UHRF2: variants seen among roughly 807,000 people sequenced by gnomAD.
The protein encoded by UHRF2 is E3 ubiquitin-protein ligase UHRF2.
A neutral mutation model predicts 96.8 loss-of-function variants in UHRF2; 23 were observed. The observed-to-expected ratio is 0.24, with a 90% CI of 0.17 to 0.34. The LOEUF is 0.34. Ranked by LOEUF, UHRF2 falls within the 10% of genes least tolerant of loss-of-function variation. The probability of loss-of-function intolerance (pLI) is 1.00; values close to 1 mark genes in which losing one functional copy is unlikely to be tolerated. For missense variants in UHRF2, 685 were observed against 981.5 expected, an observed-to-expected ratio of 0.70 and a Z score of 4.04; for synonymous variants, 385 against 332.6, an observed-to-expected ratio of 1.16 and a Z score of -1.72.
intron 4 of UHRF2, among the ~76,000 whole-genome samples, chr9:6,471,392 T>C (rs2065921417): frequency 6.6e-6 from 1 of 152,236 alleles, no homozygotes; most frequent in African/African-American, 2.4e-5. Flanking sequence ...GATTCCTGCT[T>C]ACTAATACTC....
chr9:6,456,292 A>G (rs1331502964), intron 3 of UHRF2, among the ~76,000 whole-genome samples: 3 of 152,022 alleles, frequency 2.0e-5, no homozygotes, highest in African/African-American at 4.8e-5. Flanking sequence ...ACCAGTGATG[A>G]TGAGCTTTTT....
At chr9:6,469,181 A>G (rs1242742067) in intron 4 of UHRF2, among the ~76,000 whole-genome samples, 2 of 152,230 alleles carry the variant, frequency 1.3e-5, no homozygotes, top group African/African-American at 2.4e-5. Flanking sequence ...TGGAGATTCT[A>G]GAACTGAGAA....
chr9:6,434,323 C>CT (rs1466039367), intron 3 of UHRF2, 150 bp downstream of exon 3: 3 of 938,824 alleles, frequency 3.2e-6, no homozygotes, highest in East Asian at 5.4e-5. Flanking sequence ...TGGTTGTACT[C>CT]TAATTTAAAG....
At chr9:6,425,340 GT>G (rs1167243480) in intron 2 of UHRF2, among the ~76,000 whole-genome samples, 1 of 152,126 alleles carries the variant, frequency 6.6e-6, no homozygotes, top group Non-Finnish European at 1.5e-5. Flanking sequence ...TGGGTGTTTT[GT>G]TTTTCTTAAG....
intron 1 of UHRF2, among the ~76,000 whole-genome samples, chr9:6,416,816 C>G (rs1242889621): frequency 6.6e-6 from 1 of 151,758 alleles, no homozygotes; most frequent in South Asian, 2.1e-4. Context: ...CGTGAGCCAC[C>G]GCGCCCGGCC....
intron 3 of UHRF2, 22 bp from the exon 4 acceptor site, chr9:6,460,551 A>T (rs1017199282): frequency 2.0e-5 from 32 of 1,574,122 alleles, no homozygotes; most frequent in Non-Finnish European, 2.5e-5. Flanking sequence ...ATCATAAGCC[A>T]TATGGTTTTC....
chr9:6,436,291 G>A (rs1820845660), intron 3 of UHRF2, among the ~76,000 whole-genome samples: 1 of 152,076 alleles, frequency 6.6e-6, no homozygotes, highest in Non-Finnish European at 1.5e-5. Flanking sequence ...TGGCTAAGCG[G>A]CCAACACTGC....
chr9:6,425,999 G>T (rs1334183024), intron 2 of UHRF2, among the ~76,000 whole-genome samples: 1 of 152,054 alleles, frequency 6.6e-6, no homozygotes, highest in African/African-American at 2.4e-5. Flanking sequence ...TTGATTGTTT[G>T]GGCATTGACA....
At chr9:6,492,314 A>T in intron 9 of UHRF2, 1 of 1,253,728 alleles carries the variant, frequency 8.0e-7, no homozygotes, top group Non-Finnish European at 1.0e-6. Flanking sequence ...TGACAGAGTT[A>T]TGAATATGAA....
At chr9:6,482,880 C>G (rs370973765) in intron 8 of UHRF2, among the ~76,000 whole-genome samples, 1 of 152,134 alleles carries the variant, frequency 6.6e-6, no homozygotes, top group African/African-American at 2.4e-5. Flanking sequence ...CCACTGCGCC[C>G]GGCCTGGCTT....
In UHRF2 at chr9:6,480,260, C is replaced by G. The variant is rs533206592; in HGVS notation, c.1161-1383C>G. 3.3e-5 allele frequency among the ~76,000 whole-genome samples: 5 copies of G among 152,338 alleles called. No homozygotes were observed. The South Asian group carries it at 1.0e-3, about 32-fold the overall frequency. On this transcript the variant is annotated intron_variant, in intron 6 of 15. Transcript: ENST00000276893. ...AAGAAGCATACCACTTCTAGTCACT[C>G]TTGTCACATATAACCCTGATGTATT... is the stretch of plus-strand genomic sequence containing the variant.
At chr9:6,497,514 C>T (rs1329373706) in intron 11 of UHRF2, among the ~76,000 whole-genome samples, 154 bp downstream of exon 11, 1 of 151,664 alleles carries the variant, frequency 6.6e-6, no homozygotes, top group Non-Finnish European at 1.5e-5. Context: ...AAAGCAAACT[C>T]TTAACTTCAG....
Position 6,474,909 on chromosome 9 carries a change from T to A in UHRF2, c.864-482T>A, listed in dbSNP as rs10975602. ...GGAAATTTATTTTTTGTAGATTTTT[T>A]AAATAAATTGTTACAGAATTATCCC... is the stretch of plus-strand genomic sequence containing the variant. On this transcript the variant is annotated intron_variant, in intron 4 of 15. Coordinates refer to ENST00000276893, the MANE Select transcript of UHRF2 (RefSeq NM_152896.3). 6.3e-4 allele frequency among the ~76,000 whole-genome samples: 96 copies of A among 152,298 alleles called. 1 individual carries two copies. The East Asian group carries it at 0.016, about 25-fold the overall frequency.
At chr9:6,485,086 C>T (rs1458267615) in intron 8 of UHRF2, among the ~76,000 whole-genome samples, 2 of 152,064 alleles carry the variant, frequency 1.3e-5, no homozygotes, top group African/African-American at 4.8e-5. Context: ...AGCCACCGTG[C>T]CCAGCCATAT....
chr9:6,453,950 A>G (rs1822022941), intron 3 of UHRF2, among the ~76,000 whole-genome samples: 8 of 152,172 alleles, frequency 5.3e-5, no homozygotes. Context: ...GAGTAGAACT[A>G]TAGACATAAT....
chr9:6,437,002 G>T (rs1394775701), intron 3 of UHRF2, among the ~76,000 whole-genome samples: 2 of 152,172 alleles, frequency 1.3e-5, no homozygotes, highest in Non-Finnish European at 2.9e-5. Context: ...TAAAATATGA[G>T]ATGTATAACA....
rs1421252969 is a variant in UHRF2, at chr9:6,413,571, G to A, written c.81G>A (p.Glu27=). Reference sequence around the variant, plus strand: ...TGTCTCGCAAAGCCACGATTGAGGAGCTGCGCGAGCGGGTGTGGGCGCTGT... The same window carrying A: ...TGTCTCGCAAAGCCACGATTGAGGAACTGCGCGAGCGGGTGTGGGCGCTGT... ...EDVSRKATIE[E]LRERVWALFD... Residue 27 remains glutamate, a synonymous_variant, in exon 1 of 16, where the codon GAG becomes GAA. Transcript: ENST00000276893. The A allele has an allele frequency of 1.9e-6, 3 of 1,602,524 alleles. No individual in the cohort carries two copies. The highest frequency in any genetic ancestry group is 2.7e-5 in the African/African-American group (2 of 73,576).
intron 1 of UHRF2, among the ~76,000 whole-genome samples, chr9:6,416,095 AGTCTTGCCCT>A (rs1422592996): frequency 1.3e-5 from 2 of 151,856 alleles, no homozygotes; most frequent in Non-Finnish European, 2.9e-5. Flanking sequence ...TTTAAGCCGG[AGTCTTGCCCT>A]GTCGCCAGGC....
intron 1 of UHRF2, among the ~76,000 whole-genome samples, chr9:6,420,436 G>GA (rs1401634504): frequency 9.9e-3 from 2 of 202 alleles, no homozygotes; most frequent in East Asian, 0.2. Context: ...CGGGTGCGGT[G>GA]CTCACGCTGT....
Sources: allele counts gnomAD v4.1 joint callset (sites outside exome capture counted in the v4.1 genomes callset), GRCh38; gene constraint gnomAD v4.1.1; transcripts MANE v1.5; gene names NCBI Gene and HGNC (gene_info 2026-07-23, HGNC 2026-07-21).